KANSL1: variants seen among roughly 807,000 people sequenced by gnomAD.
KANSL1 encodes MLL1/MLL complex subunit KANSL1.
In KANSL1, 22 loss-of-function variants were observed where a neutral mutation model predicts 103.6. The ratio of observed to expected loss-of-function variants is 0.21; its 90% CI spans 0.15 to 0.30. The LOEUF (loss-of-function observed/expected upper bound fraction) is 0.30. KANSL1 is among the 10% of genes least tolerant of loss of function. The pLI is 1.00. For missense variants in KANSL1, 1,337 were observed against 1,399.8 expected (o/e 0.96, Z 0.72); for synonymous variants, 600 against 527.6 (o/e 1.14, Z -1.88).
At chr17:46,186,144 G>A in intron 1 of KANSL1, among the ~76,000 whole-genome samples, 1 of 151,724 alleles carries the variant, frequency 6.6e-6, no homozygotes, top group Admixed American at 6.6e-5. Context: ...GGGAGGCCGA[G>A]ACGGGTGGAT....
At chr17:46,179,027 T>C (rs531294496) in intron 1 of KANSL1, among the ~76,000 whole-genome samples, 1 of 152,296 alleles carries the variant, frequency 6.6e-6, no homozygotes, top group African/African-American at 2.4e-5. Context: ...AACTGACATC[T>C]CACGATGAGT....
At chr17:46,166,213 C>CCAAAAAA (rs1555573289) in intron 2 of KANSL1, among the ~76,000 whole-genome samples, 14 of 95,106 alleles carry the variant, frequency 1.5e-4, no homozygotes, top group Admixed American at 3.4e-4. Flanking sequence ...GACTCTGTCT[C>CCAAAAAA]AAAAAAAAAA....
At chr17:46,113,668 T>C (rs2042919850) in intron 2 of KANSL1, among the ~76,000 whole-genome samples, 1 of 152,132 alleles carries the variant, frequency 6.6e-6, no homozygotes, top group Admixed American at 6.5e-5. Context: ...ACGAGGCACT[T>C]TCTTTATAAA....
At chr17:46,159,577 T>C (rs976340628) in intron 2 of KANSL1, among the ~76,000 whole-genome samples, 5 of 152,252 alleles carry the variant, frequency 3.3e-5, no homozygotes, top group South Asian at 2.1e-4. Context: ...TTTCAAGTTC[T>C]ATGGTAACTA....
At chr17:46,169,879 T>C (rs1307387542) in intron 2 of KANSL1, among the ~76,000 whole-genome samples, 1 of 152,082 alleles carries the variant, frequency 6.6e-6, no homozygotes, top group African/African-American at 2.4e-5. Flanking sequence ...AACCAACAGA[T>C]TTAGAAAAAC....
At chr17:46,125,208 C>T (rs1471888226) in intron 2 of KANSL1, among the ~76,000 whole-genome samples, 1 of 152,128 alleles carries the variant, frequency 6.6e-6, no homozygotes, top group Non-Finnish European at 1.5e-5. Flanking sequence ...GGACCTTCCA[C>T]CAGCAAAAAA....
intron 6 of KANSL1, among the ~76,000 whole-genome samples, chr17:46,058,818 A>G (rs981746338): frequency 9.9e-5 from 15 of 151,436 alleles, no homozygotes; most frequent in Non-Finnish European, 1.5e-4. Flanking sequence ...TGCTGACATA[A>G]TGACAATATT....
At chr17:46,157,002 G>C (rs754286361) in intron 2 of KANSL1, 4 of 152,126 alleles carry the variant, frequency 2.6e-5, no homozygotes, top group Non-Finnish European at 5.9e-5. Context: ...CTAACCACCA[G>C]AGAAGTGTTT....
At position 46,094,696 on chromosome 17, in the gene KANSL1, C is replaced by T. The variant is rs754111757; in HGVS notation, c.1295G>A (p.Arg432His). ...TGCAGCCCATTTCCATTCTGACCTGCGTCTCCTAAAAGGAAATAAACTGAG... is the reference window on the plus strand; with the variant it reads ...TGCAGCCCATTTCCATTCTGACCTGTGTCTCCTAAAAGGAAATAAACTGAG... ...DPEQRHVPLRRRSEWKWAADR... is the reference protein window; with the variant it reads ...DPEQRHVPLRHRSEWKWAADR... The change falls in exon 3 of 15, where the codon CGC becomes CAC. Residue 432 changes from arginine (R) to histidine (H), a missense_variant. Around this residue, in one of 2 missense-constraint regions of KANSL1, gnomAD observed 780 missense variants for 923.4 expected, o/e 0.84. Transcript: ENST00000432791. The T allele has an allele frequency of 1.4e-5, 23 of 1,613,932 alleles. No homozygotes were observed. In the South Asian group the frequency reaches 1.9e-4, roughly 13 times the overall value.
chr17:46,210,421 C>T (rs1332236691), intron 1 of KANSL1, among the ~76,000 whole-genome samples: 16 of 23,078 alleles, frequency 6.9e-4, no homozygotes, highest in African/African-American at 3.2e-4. Flanking sequence ...TGTAGTGAGC[C>T]GAGATCGCAC....
chr17:46,058,121 G>C (rs1408132673), intron 6 of KANSL1, among the ~76,000 whole-genome samples: 1 of 152,138 alleles, frequency 6.6e-6, no homozygotes, highest in Non-Finnish European at 1.5e-5. Context: ...AAAATTGCAA[G>C]GCAAAATTCT....
chr17:46,198,738 A>G (rs2047699398), upstream of KANSL1, among the ~76,000 whole-genome samples: 1 of 152,260 alleles, frequency 6.6e-6, no homozygotes, highest in Admixed American at 6.5e-5. Context: ...TTTCAAAAAC[A>G]AAATCCCTGT....
chr17:46,034,103 G>C, intron 11 of KANSL1, 58 bp downstream of exon 11: 1 of 1,598,704 alleles, frequency 6.3e-7, no homozygotes, highest in East Asian at 2.2e-5. Flanking sequence ...AAGAGAAGAG[G>C]GAAAAAGGGC....
upstream of KANSL1, among the ~76,000 whole-genome samples, chr17:46,195,102 A>T (rs1014119166): frequency 6.6e-6 from 1 of 152,268 alleles, no homozygotes; most frequent in African/African-American, 2.4e-5. Context: ...GTACACACAT[A>T]CACACATAAA....
chr17:46,082,938 T>C (rs1170894880), intron 3 of KANSL1, among the ~76,000 whole-genome samples: 2 of 152,184 alleles, frequency 1.3e-5, no homozygotes, highest in East Asian at 3.8e-4. Context: ...AATGCTACTA[T>C]TCTTAATCAT....
At chr17:46,162,014 T>C (rs2045767773) in intron 2 of KANSL1, among the ~76,000 whole-genome samples, 2 of 152,266 alleles carry the variant, frequency 1.3e-5, no homozygotes, top group Non-Finnish European at 2.9e-5. Context: ...TATAGAAATA[T>C]AAAATCAAAC....
intron 4 of KANSL1, among the ~76,000 whole-genome samples, chr17:46,072,813 A>AT (rs972358012): frequency 6.6e-6 from 1 of 152,166 alleles, no homozygotes; most frequent in Non-Finnish European, 1.5e-5. Flanking sequence ...TTTTGAACTC[A>AT]TTTTTTTAAA....
chr17:46,194,948 C>G (rs2047556488), upstream of KANSL1, among the ~76,000 whole-genome samples: 1 of 152,224 alleles, frequency 6.6e-6, no homozygotes, highest in South Asian at 2.1e-4. Context: ...AGTCATAGTT[C>G]TCAAATACCA....
intron 6 of KANSL1, among the ~76,000 whole-genome samples, chr17:46,064,945 A>G (rs1274158315): frequency 2.6e-5 from 4 of 151,834 alleles, no homozygotes; most frequent in Admixed American, 6.6e-5. Context: ...GGTTAGTTAC[A>G]TATGTATACG....
Sources: allele counts gnomAD v4.1 joint callset (sites outside exome capture counted in the v4.1 genomes callset), GRCh38; gene constraint gnomAD v4.1.1; regional missense constraint gnomAD v4.1.1; transcripts MANE v1.5; gene names NCBI Gene and HGNC (gene_info 2026-07-23, HGNC 2026-07-21).